Variants in ABI2 observed in about 807,000 individuals in gnomAD.
ABI2 encodes the protein abelson interactor 2.
ABI2 carries 25 observed loss-of-function variants against 59.2 expected under a neutral mutation model. That is an observed-to-expected ratio of 0.42 (90% CI 0.31 to 0.59). The LOEUF is 0.59. ABI2 is among the 20% of genes least tolerant of loss of function. The pLI is 0.14. For missense variants in ABI2, 545 were observed against 681.8 expected (o/e 0.80, Z 2.23); for synonymous variants, 213 against 235.5 (o/e 0.90, Z 0.87).
chr2:203,395,175 A>C, intron 6 of ABI2: 1 of 694,674 alleles, frequency 1.4e-6, no homozygotes, highest in Non-Finnish European at 2.6e-6. Context: ...TACATAATAA[A>C]ACATTAATAT....
intron 1 of ABI2, among the ~76,000 whole-genome samples, chr2:203,349,287 C>G (rs1027275804): frequency 6.6e-6 from 1 of 152,082 alleles, no homozygotes; most frequent in African/African-American, 2.4e-5. Flanking sequence ...TTTCCACAAA[C>G]AAGAATGTTT....
chr2:203,405,956 G>GT (rs913177055), intron 9 of ABI2, among the ~76,000 whole-genome samples: 1 of 152,098 alleles, frequency 6.6e-6, no homozygotes, highest in Non-Finnish European at 1.5e-5. Context: ...CACAATAATT[G>GT]TTTTTTTCAT....
chr2:203,401,217 A>G lies in ABI2; in HGVS notation c.1034-1359A>G, dbSNP rs1430071097. On this transcript the variant is annotated intron_variant, in intron 8 of 11. Coordinates refer to ENST00000261018, the MANE Select transcript of ABI2 (RefSeq NM_001375670.1). ...AGTGTTTTTTTTTTCCTTTTCACTTATCTCCTCCTTTTCTCCCTTTCTCTT... is the reference window on the plus strand; with the variant it reads ...AGTGTTTTTTTTTTCCTTTTCACTTGTCTCCTCCTTTTCTCCCTTTCTCTT... 2.1e-5 allele frequency among the ~76,000 whole-genome samples: 3 copies of G among 145,008 alleles called. No homozygotes were observed. In the East Asian group the frequency reaches 6.0e-4, roughly 29 times the overall value.
chr2:203,407,776 C>T (rs576596268), intron 9 of ABI2, among the ~76,000 whole-genome samples: 1 of 152,264 alleles, frequency 6.6e-6, no homozygotes. Context: ...AAGTTTGCTT[C>T]CTGCTCTTCT....
At position 203,382,501 on chromosome 2, in the gene ABI2, T is replaced by G. The variant is rs556434715; in HGVS notation, c.480+295T>G. Among the ~76,000 whole-genome samples, 5 of 152,324 alleles carry G rather than the reference T, an allele frequency of 3.3e-5. No individual in the cohort carries two copies. The South Asian group carries it at 6.2e-4, about 19-fold the overall frequency. On this transcript the variant is annotated intron_variant, in intron 4 of 11. Coordinates refer to ENST00000261018, the MANE Select transcript of ABI2 (RefSeq NM_001375670.1). ...GTTATTTTGTAATGTTAATATATTT[T>G]GTGAAACTGAAATGTAAGCTACCCT... is the stretch of plus-strand genomic sequence containing the variant.
At position 203,432,127 on chromosome 2, in the gene ABI2, C is replaced by T. The variant is rs1388696329; in HGVS notation, c.*4775C>T. On this transcript the variant is annotated 3_prime_UTR_variant, in exon 12 of 12. Transcript: ENST00000261018. ...TTTTAATTGTATTTGGAATTGTTGC[C>T]GTGTACTAAGAACTTGACCTAAATA... 10 of 152,076 alleles carry T rather than the reference C, an allele frequency of 6.6e-5. No individual in the cohort carries two copies. Among genetic ancestry groups the T allele is most frequent in the South Asian group, 2.1e-4 (1 of 4,820 alleles). 9.4% of individuals were successfully genotyped at this position (152,076 alleles called of 1,614,324 possible). A position where few individuals can be genotyped will look rare whatever the true frequency, so the allele number is the denominator to read the frequency against.
chr2:203,345,115 C>T (rs1182776671), intron 1 of ABI2, among the ~76,000 whole-genome samples: 3 of 152,216 alleles, frequency 2.0e-5, no homozygotes, highest in African/African-American at 7.2e-5. Flanking sequence ...GTAAATCTTG[C>T]TGCTGCTCAC....
chr2:203,369,074 A>G (rs570467807), intron 2 of ABI2, among the ~76,000 whole-genome samples: 1 of 130,666 alleles, frequency 7.7e-6, no homozygotes, highest in African/African-American at 3.0e-5. Flanking sequence ...GGGCTCAAGC[A>G]GTCTCCCACC....
At chr2:203,343,815 G>A (rs1297447827) in intron 1 of ABI2, among the ~76,000 whole-genome samples, 2 of 152,136 alleles carry the variant, frequency 1.3e-5, no homozygotes, top group Non-Finnish European at 2.9e-5. Flanking sequence ...AAAAGTAACA[G>A]TTTTTGTCCA....
intron 1 of ABI2, among the ~76,000 whole-genome samples, chr2:203,350,206 A>G (rs1284467883): frequency 6.6e-6 from 1 of 152,160 alleles, no homozygotes; most frequent in Non-Finnish European, 1.5e-5. Flanking sequence ...CCTTTTGAGT[A>G]GCTGGGATTA....
chr2:203,397,947 T>G (rs1358683891), intron 8 of ABI2, among the ~76,000 whole-genome samples: 3 of 151,904 alleles, frequency 2.0e-5, no homozygotes, highest in Non-Finnish European at 2.9e-5. Context: ...TCCAGTCACC[T>G]CCCCCTAGGC....
chr2:203,372,558 C>T (rs1183336767), intron 2 of ABI2, among the ~76,000 whole-genome samples: 2 of 149,248 alleles, frequency 1.3e-5, no homozygotes, highest in Non-Finnish European at 3.0e-5. Flanking sequence ...GGGCGGGGGG[C>T]TGACCCCCCC....
At chr2:203,361,771 C>T (rs963706503) in intron 1 of ABI2, among the ~76,000 whole-genome samples, 6 of 152,168 alleles carry the variant, frequency 3.9e-5, no homozygotes, top group African/African-American at 1.4e-4. Flanking sequence ...TAGACATTCT[C>T]CATCCTTTTG....
chr2:203,377,440 CTG>C (rs1455733502), intron 2 of ABI2, among the ~76,000 whole-genome samples: 1 of 152,136 alleles, frequency 6.6e-6, no homozygotes, highest in Non-Finnish European at 1.5e-5. Context: ...TTTCTAAAAA[CTG>C]AGGAGAATAA....
intron 10 of ABI2, among the ~76,000 whole-genome samples, 184 bp downstream of exon 10, chr2:203,411,555 G>T (rs1398456621): frequency 6.6e-6 from 1 of 152,050 alleles, no homozygotes; most frequent in Non-Finnish European, 1.5e-5. Context: ...TAATAGTAAA[G>T]ACATAAGACA....
At chr2:203,422,460 T>C (rs1236636208) in intron 11 of ABI2, among the ~76,000 whole-genome samples, 2 of 152,056 alleles carry the variant, frequency 1.3e-5, no homozygotes, top group East Asian at 3.9e-4. Context: ...TTGGGAGATT[T>C]AGAAGGTGGA....
chr2:203,376,016 A>G (rs2095655122), intron 2 of ABI2: 1 of 1,370,834 alleles, frequency 7.3e-7, no homozygotes, highest in Admixed American at 2.0e-5. Flanking sequence ...ATTATTATAG[A>G]TGTTTTTTAA....
intron 10 of ABI2, among the ~76,000 whole-genome samples, chr2:203,415,735 TAA>T (rs1202228860): frequency 3.3e-5 from 5 of 151,296 alleles, no homozygotes; most frequent in African/African-American, 1.2e-4. Context: ...TGGTACCTCA[TAA>T]ATAAGAATTA....
At chr2:203,383,253 T>C (rs1182025918) in intron 4 of ABI2, 2 of 154,826 alleles carry the variant, frequency 1.3e-5, no homozygotes, top group African/African-American at 2.4e-5. Flanking sequence ...GTAGATTTGA[T>C]TGGAAGAGCC....
Sources: allele counts gnomAD v4.1 joint callset (sites outside exome capture counted in the v4.1 genomes callset), GRCh38; gene constraint gnomAD v4.1.1; transcripts MANE v1.5; gene names NCBI Gene and HGNC (gene_info 2026-07-23, HGNC 2026-07-21).